Variants in MERTK observed in about 807,000 individuals in gnomAD.
The protein encoded by MERTK is MER proto-oncogene, tyrosine kinase.
In MERTK, 69 loss-of-function variants were observed where a neutral mutation model predicts 99.3. The observed-to-expected ratio is 0.70, with a 90% CI of 0.57 to 0.85. MERTK has a LOEUF of 0.85. Ranked by LOEUF, MERTK falls within the 40% of genes least tolerant of loss-of-function variation. The pLI is 0.00. For missense variants in MERTK, 1,125 were observed against 1,249.4 expected (o/e 0.90, Z 1.50); for synonymous variants, 426 against 467.6 (o/e 0.91, Z 1.15).
At position 111,994,376 on chromosome 2, in the gene MERTK, T is replaced by G. The variant is rs1676692329; in HGVS notation, c.1422T>G (p.Asp474Glu). ...GAGGGGGAGTTGGGCCCTTCAGTGA[T>G]CCAGTGAAAATATTTATCCCTGCAC... ...VTRGGVGPFSDPVKIFIPAHG... is the reference protein window; with the variant it reads ...VTRGGVGPFSEPVKIFIPAHG... The change falls in exon 9 of 19, where the codon GAT (aspartate) becomes GAG (glutamate). Residue 474 changes from aspartate (D) to glutamate (E), a missense_variant. Coordinates refer to ENST00000295408, the MANE Select transcript of MERTK (RefSeq NM_006343.3). The G allele has an allele frequency of 6.2e-7, 1 of 1,614,154 alleles. No homozygotes were observed. The highest frequency in any genetic ancestry group is 8.5e-7 in the Non-Finnish European group (1 of 1,180,040).
chr2:111,942,768 C>T (rs933846837), intron 2 of MERTK, among the ~76,000 whole-genome samples: 1 of 152,174 alleles, frequency 6.6e-6, no homozygotes, highest in Admixed American at 6.5e-5. Context: ...CAGATTTACA[C>T]ATCAGGAAAT....
intron 15 of MERTK, among the ~76,000 whole-genome samples, chr2:112,014,287 C>G: frequency 6.6e-6 from 1 of 152,098 alleles, no homozygotes; most frequent in Non-Finnish European, 1.5e-5. Flanking sequence ...TCCCAAAGTG[C>G]TGGGATTACA....
At chr2:111,911,230 A>C (rs967744612) in intron 1 of MERTK, among the ~76,000 whole-genome samples, 84 of 152,204 alleles carry the variant, frequency 5.5e-4, no homozygotes, top group African/African-American at 1.9e-3. Flanking sequence ...AATTTCATAT[A>C]AATAGTATGC....
intron 15 of MERTK, 31 bp downstream of exon 15, chr2:112,010,097 C>G (rs755566247): frequency 2.8e-6 from 4 of 1,429,184 alleles, no homozygotes; most frequent in Non-Finnish European, 4.0e-6. Context: ...CCCCTGAACA[C>G]TTCTCAGGGC....
chr2:112,012,905 A>G (rs558651894), intron 15 of MERTK, among the ~76,000 whole-genome samples: 126 of 152,260 alleles, frequency 8.3e-4, no homozygotes, highest in Non-Finnish European at 1.1e-3. Flanking sequence ...AGCTGAAACA[A>G]ATAGGCAAAA....
chr2:111,924,482 C>G (rs1684518793), intron 1 of MERTK, among the ~76,000 whole-genome samples: 1 of 152,150 alleles, frequency 6.6e-6, no homozygotes, highest in Non-Finnish European at 1.5e-5. Flanking sequence ...TCTTGGTCTC[C>G]TGTATCCTTC....
chr2:111,937,268 G>A (rs1044625774), intron 2 of MERTK, among the ~76,000 whole-genome samples: 3 of 149,946 alleles, frequency 2.0e-5, no homozygotes, highest in African/African-American at 7.4e-5. Context: ...AACACAATAG[G>A]ACCCCATTGC....
At chr2:111,925,288 ATATATTTT>A (rs1684536998) in intron 1 of MERTK, among the ~76,000 whole-genome samples, 1 of 37,178 alleles carries the variant, frequency 2.7e-5, no homozygotes, top group East Asian at 1.0e-3. Context: ...ATATATATAT[ATATATTTT>A]TTTTTTTTTT....
At position 111,898,731 on chromosome 2, in the gene MERTK, C is replaced by G; in HGVS notation, c.-5C>G. 5 of 1,606,236 alleles carry G rather than the reference C, an allele frequency of 3.1e-6. No homozygotes were observed. The highest frequency in any genetic ancestry group is 3.4e-6 in the Non-Finnish European group (4 of 1,176,930). On this transcript the variant is annotated 5_prime_UTR_variant, in exon 1 of 19. Transcript: ENST00000295408. The stretch of plus-strand genomic sequence containing the variant: ...GGAGAGAAATTACAGATCCGCAGCC[C>G]CGGGATGGGGCCGGCCCCGCTGCCG...
At chr2:112,014,453 C>T (rs1042413415) in intron 15 of MERTK, among the ~76,000 whole-genome samples, 12 of 152,028 alleles carry the variant, frequency 7.9e-5, no homozygotes, top group African/African-American at 1.9e-4. Context: ...CGTGAGCCAC[C>T]GTGCCTAGCT....
chr2:111,947,631 G>A (rs1228449102), intron 4 of MERTK, 64 bp downstream of exon 4: 3 of 1,583,436 alleles, frequency 1.9e-6, no homozygotes, highest in Non-Finnish European at 2.6e-6. Flanking sequence ...AAAGTTTGGC[G>A]ACCCTTGCTG....
intron 2 of MERTK, among the ~76,000 whole-genome samples, chr2:111,934,791 C>G (rs574932275): frequency 6.6e-6 from 1 of 152,224 alleles, no homozygotes; most frequent in Non-Finnish European, 1.5e-5. Context: ...AAGTCTTTGC[C>G]CATGCCTATG....
At chr2:111,914,654 A>G (rs1001297529) in intron 1 of MERTK, among the ~76,000 whole-genome samples, 1 of 152,128 alleles carries the variant, frequency 6.6e-6, no homozygotes, top group South Asian at 2.1e-4. Context: ...CAATATGATC[A>G]TGTGATTTTT....
chr2:112,022,772 C>T (rs1044341719), intron 18 of MERTK, among the ~76,000 whole-genome samples: 1 of 152,190 alleles, frequency 6.6e-6, no homozygotes, highest in Non-Finnish European at 1.5e-5. Flanking sequence ...TCTTTTGGTC[C>T]AGTTATCTTT....
At chr2:112,012,991 C>A (rs1053871465) in intron 15 of MERTK, among the ~76,000 whole-genome samples, 1 of 152,122 alleles carries the variant, frequency 6.6e-6, no homozygotes, top group Non-Finnish European at 1.5e-5. Flanking sequence ...TGGTATCTTA[C>A]GCCTGTGTGT....
At position 112,003,894 on chromosome 2, in the gene MERTK, C is replaced by T. The variant is rs753764841; in HGVS notation, c.1787-10C>T. 3 of 1,608,684 alleles carry T rather than the reference C, an allele frequency of 1.9e-6. No individual in the cohort carries two copies. The highest frequency in any genetic ancestry group is 2.7e-5 in the African/African-American group (2 of 74,798). On this transcript the variant is annotated splice_polypyrimidine_tract_variant and intron_variant, in intron 12 of 18. Coordinates refer to ENST00000295408, the MANE Select transcript of MERTK (RefSeq NM_006343.3). Reference sequence around the variant, plus strand: ...CACAGTGTCCATACAGGTGTTCTTTCACTTCACAGGAGAGTTTGGGTCTGT... The same window carrying T: ...CACAGTGTCCATACAGGTGTTCTTTTACTTCACAGGAGAGTTTGGGTCTGT...
intron 4 of MERTK, among the ~76,000 whole-genome samples, chr2:111,951,524 T>TATATATATATATATATATAC (rs1685055305): frequency 3.4e-5 from 1 of 29,558 alleles, no homozygotes; most frequent in Non-Finnish European, 8.3e-5. Context: ...AATATTCCCA[T>TATATATATATATATATATAC]ATATATATAT....
intron 18 of MERTK, 45 bp downstream of exon 18, chr2:112,022,439 G>A (rs1287450916): frequency 1.2e-6 from 2 of 1,613,718 alleles, no homozygotes; most frequent in Middle Eastern, 1.7e-4. Flanking sequence ...GCATGGGGCA[G>A]CCACCTGGCT....
chr2:112,015,392 T>C (rs954588210), intron 15 of MERTK, among the ~76,000 whole-genome samples: 2 of 152,210 alleles, frequency 1.3e-5, no homozygotes, highest in Non-Finnish European at 2.9e-5. Context: ...TAGAGTGATA[T>C]CTCATCATGG....
Sources: allele counts gnomAD v4.1 joint callset (sites outside exome capture counted in the v4.1 genomes callset), GRCh38; gene constraint gnomAD v4.1.1; transcripts MANE v1.5; gene names NCBI Gene and HGNC (gene_info 2026-07-23, HGNC 2026-07-21).